NRG4: variants seen among roughly 807,000 people sequenced by gnomAD.
The protein encoded by NRG4 is neuregulin 4, also known as pro-neuregulin-4, membrane-bound isoform.
Under a neutral mutation model 15.0 loss-of-function variants are expected in NRG4, and 10 were observed. That is an observed-to-expected ratio of 0.67 (90% CI 0.41 to 1.13). The LOEUF (loss-of-function observed/expected upper bound fraction) is 1.13. Ranked by LOEUF, NRG4 falls within the 50% of genes most tolerant of loss-of-function variation. NRG4 has a pLI of 0.00. For missense variants in NRG4, 139 were observed against 140.2 expected, an observed-to-expected ratio of 0.99 and a Z score of 0.04; for synonymous variants, 41 against 50.1, an observed-to-expected ratio of 0.82 and a Z score of 0.77.
At chr15:76,027,346 A>G (rs541146632) in intron 5 of NRG4, among the ~76,000 whole-genome samples, 5 of 152,208 alleles carry the variant, frequency 3.3e-5, no homozygotes, top group South Asian at 4.1e-4. Flanking sequence ...ATAATCATCA[A>G]TGGATCCATT....
At chr15:76,028,171 GAAAT>G (rs1238209410) in intron 5 of NRG4, among the ~76,000 whole-genome samples, 1 of 151,324 alleles carries the variant, frequency 6.6e-6, no homozygotes, top group African/African-American at 2.4e-5. Context: ...GATCAGAGCA[GAAAT>G]AAATAAAATT....
intron 3 of NRG4, chr15:75,971,141 A>C: frequency 2.6e-6 from 1 of 389,016 alleles, no homozygotes; most frequent in Non-Finnish European, 5.1e-6. Flanking sequence ...CCTATTTGTA[A>C]ATTCATTTCA....
intron 3 of NRG4, among the ~76,000 whole-genome samples, chr15:75,981,252 G>T (rs752569496): frequency 6.6e-5 from 10 of 152,138 alleles, no homozygotes; most frequent in Non-Finnish European, 1.3e-4. Context: ...CATGTATGAA[G>T]TCTGACTATC....
rs2032539754 is a variant in NRG4 at position 75,961,899 on chromosome 15, G to T, written c.180C>A (p.Asn60Lys). ...LPGSSIQTKS[N>K]LFEAFVALAV... ...CCAATGCCACAAAAGCTTCAAACAG[G>T]TTACTTTTAGTTTGGATGCTGGAGC... The change falls in exon 4 of 6, where the codon AAC (asparagine) becomes AAA (lysine). Residue 60 changes from asparagine to lysine, a missense_variant. By Grantham distance (94) the Asn-to-Lys change is moderately conservative. Transcript: ENST00000394907. 7 of 1,613,358 alleles carry T rather than the reference G, an allele frequency of 4.3e-6. No individual in the cohort carries two copies. Among genetic ancestry groups the T allele is most frequent in the Non-Finnish European group, 4.2e-6 (5 of 1,179,392 alleles).
At position 76,049,620 on chromosome 15, in the gene NRG4, C is replaced by CT. The variant is rs2035950286; in HGVS notation, c.-105+2446dup. On this transcript the variant is annotated intron_variant, in intron 4 of 8. Coordinates refer to the NRG4 transcript ENST00000563910. ...TTCACTCTAATAAAAAGCTGGTTCT[C>CT]TTTTAGATTACAAGGTGCCTTTTCC... 1.3e-5 allele frequency among the ~76,000 whole-genome samples: 2 copies of CT among 151,012 alleles called. 1 individual carries two copies. The highest frequency in any genetic ancestry group is 4.9e-5 in the African/African-American group (2 of 40,530).
At chr15:75,955,353 A>T (rs918450902) in intron 5 of NRG4, among the ~76,000 whole-genome samples, 3 of 152,154 alleles carry the variant, frequency 2.0e-5, no homozygotes, top group African/African-American at 7.2e-5. Flanking sequence ...TAAGGCAATC[A>T]TTGGCTTACC....
upstream of NRG4, among the ~76,000 whole-genome samples, chr15:76,014,693 A>G (rs745313477): frequency 6.6e-6 from 1 of 152,100 alleles, no homozygotes; most frequent in Non-Finnish European, 1.5e-5. Flanking sequence ...GTTCTGTTCC[A>G]TTGGTCTATA....
chr15:76,025,407 C>T (rs2141933797), intron 5 of NRG4, among the ~76,000 whole-genome samples: 1 of 152,112 alleles, frequency 6.6e-6, no homozygotes, highest in Admixed American at 6.5e-5. Context: ...CCACTGCATT[C>T]CAGCCTGGGT....
intron 4 of NRG4, among the ~76,000 whole-genome samples, chr15:76,038,616 T>C (rs2035652725): frequency 6.6e-6 from 1 of 152,242 alleles, no homozygotes; most frequent in South Asian, 2.1e-4. Context: ...GGAAGACTTC[T>C]AAGGTTTTTG....
intron 3 of NRG4, among the ~76,000 whole-genome samples, chr15:75,979,648 T>G (rs1479507902): frequency 2.6e-5 from 4 of 152,156 alleles, no homozygotes; most frequent in Admixed American, 6.5e-5. Context: ...GATCATTCAT[T>G]GTTCACCCAA....
chr15:76,058,503 C>A (rs2036210450), intron 1 of NRG4, among the ~76,000 whole-genome samples: 1 of 152,134 alleles, frequency 6.6e-6, no homozygotes, highest in African/African-American at 2.4e-5. Flanking sequence ...GACCGTGGGG[C>A]AATTCCAAGA....
chr15:76,055,033 A>G (rs563676191), intron 2 of NRG4, among the ~76,000 whole-genome samples: 112 of 115,724 alleles, frequency 9.7e-4, no homozygotes, highest in African/African-American at 3.0e-3. Flanking sequence ...TAATCCCAGC[A>G]CTTTGGGAGG....
intron 5 of NRG4, among the ~76,000 whole-genome samples, chr15:76,021,779 C>T (rs1483647553): frequency 6.6e-6 from 1 of 152,128 alleles, no homozygotes; most frequent in East Asian, 1.9e-4. Flanking sequence ...AAATAAGCAA[C>T]CTTTAGGACC....
chr15:76,048,122 T>C (rs894024680), intron 4 of NRG4, among the ~76,000 whole-genome samples: 1 of 148,464 alleles, frequency 6.7e-6, no homozygotes, highest in Non-Finnish European at 1.5e-5. Flanking sequence ...CTTGTCACTG[T>C]ACTCCTGGGT....
chr15:75,999,895 A>G (rs1381276955), intron 3 of NRG4, among the ~76,000 whole-genome samples: 1 of 152,138 alleles, frequency 6.6e-6, no homozygotes. Context: ...GCACACTGGC[A>G]CACATCTGTA....
At chr15:75,961,205 C>G (rs1336196321) in intron 4 of NRG4, among the ~76,000 whole-genome samples, 1 of 151,774 alleles carries the variant, frequency 6.6e-6, no homozygotes, top group Non-Finnish European at 1.5e-5. Flanking sequence ...TTTACTTTTA[C>G]AAAATTTCAA....
intron 3 of NRG4, chr15:75,969,312 T>C: frequency 2.3e-6 from 1 of 441,056 alleles, no homozygotes; most frequent in Admixed American, 2.4e-5. Flanking sequence ...GAACTCTTAC[T>C]GATGACATAA....
chr15:75,948,752 T>G (rs1404273620), intron 5 of NRG4, among the ~76,000 whole-genome samples: 1 of 152,212 alleles, frequency 6.6e-6, no homozygotes, highest in African/African-American at 2.4e-5. Flanking sequence ...ATTTACTTTT[T>G]TAAAGTATGT....
chr15:75,986,069 T>TGA lies in NRG4; in HGVS notation c.104+23129_104+23130dup, dbSNP rs562306396. ...CAAAAGATTGAATTAAAAGTAACAG[T>TGA]GAGATACCATTTCTCATCTATCAGA... On this transcript the variant is annotated intron_variant, in intron 3 of 5. Transcript: ENST00000394907. Among the ~76,000 whole-genome samples, 270 of 152,300 alleles carry TGA rather than the reference T, an allele frequency of 1.8e-3. 3 individuals are homozygous for TGA. Among genetic ancestry groups the TGA allele is most frequent in the African/African-American group, 6.1e-3 (252 of 41,578 alleles).
Sources: allele counts gnomAD v4.1 joint callset (sites outside exome capture counted in the v4.1 genomes callset), GRCh38; gene constraint gnomAD v4.1.1; transcripts MANE v1.5; gene names NCBI Gene and HGNC (gene_info 2026-07-23, HGNC 2026-07-21).